The following CDC27 variants were observed in gnomAD, a reference collection of about 807,000 sequenced individuals.
CDC27 encodes cell division cycle 27.
CDC27 carries 27 observed loss-of-function variants against 109.7 expected under a neutral mutation model. The observed-to-expected ratio is 0.25, with a 90% CI of 0.18 to 0.34. CDC27 has a LOEUF of 0.34. Ranked by LOEUF, CDC27 falls within the 10% of genes least tolerant of loss-of-function variation. The pLI is 1.00. For synonymous variants in CDC27, 266 were observed against 333.9 expected (o/e 0.80, Z 2.22); for missense variants, 579 against 960.2 (o/e 0.60, Z 5.25).
At chr17:47,122,727 G>T in intron 17 of CDC27, 127 bp from the exon 18 acceptor site, 1 of 598,380 alleles carries the variant, frequency 1.7e-6, no homozygotes, top group Non-Finnish European at 2.5e-6. Flanking sequence ...AGGCTAGAGT[G>T]CAATGGCACG....
chr17:47,180,676 A>C (rs895174597), intron 2 of CDC27, among the ~76,000 whole-genome samples: 1 of 152,108 alleles, frequency 6.6e-6, no homozygotes, highest in African/African-American at 2.4e-5. Flanking sequence ...TAATAATGAC[A>C]GAAACAAAAC....
chr17:47,171,875 T>C, intron 3 of CDC27, 42 bp downstream of exon 3: 1 of 1,412,298 alleles, frequency 7.1e-7, no homozygotes, highest in Non-Finnish European at 9.8e-7. Flanking sequence ...AATTCAACAG[T>C]GTAAGTAAAA....
chr17:47,119,858 C>T lies in CDC27; in HGVS notation c.*1077G>A, dbSNP rs748538860. 1 of 152,140 alleles carries T rather than the reference C, an allele frequency of 6.6e-6. No homozygotes were observed. The highest frequency in any genetic ancestry group is 2.1e-4 in the South Asian group (1 of 4,822). 9.4% of individuals were successfully genotyped at this position (152,140 alleles called of 1,614,324 possible). On this transcript the variant is annotated 3_prime_UTR_variant, in exon 19 of 19. Coordinates refer to ENST00000066544, the MANE Select transcript of CDC27 (RefSeq NM_001256.6). ...TTACTCTTAGTAAATGTTTTGGTGA[C>T]TCACACTACTGAAAAAATCTGAAGC... is the stretch of plus-strand genomic sequence containing the variant.
intron 14 of CDC27, among the ~76,000 whole-genome samples, chr17:47,133,028 T>TATACACACACAC (rs1555783886): frequency 3.0e-4 from 9 of 29,824 alleles, no homozygotes; most frequent in African/African-American, 7.3e-4. Context: ...TATATATATA[T>TATACACACACAC]ACACACACAC....
intron 2 of CDC27, chr17:47,181,272 A>C (rs1458029653): frequency 4.6e-4 from 63 of 135,686 alleles, no homozygotes; most frequent in Non-Finnish European, 7.1e-4. Context: ...AAAAAAAAAA[A>C]AAAAAAAAAA....
At chr17:47,157,474 T>C (rs1164413936) in intron 5 of CDC27, 90 bp from the exon 6 acceptor site, 10 of 956,238 alleles carry the variant, frequency 1.0e-5, no homozygotes, top group African/African-American at 3.3e-5. Context: ...AAACAGGAAA[T>C]AGGCCTTATC....
rs779983433 is a variant in CDC27 at position 47,151,824 on chromosome 17, CTTTGTG to C, written c.1046_1051del (p.Thr349_Gln350del). 9.4e-6 allele frequency: 15 copies of C among 1,601,186 alleles called. No homozygotes were observed. The highest frequency in any genetic ancestry group is 3.3e-4 in the Middle Eastern group (2 of 6,014). ...TAAATACCTTGTTTGTGGACCAGAA[CTTTGTG>C]TTTGTGCAAGAATTGGAGTTACCTC... is the stretch of plus-strand genomic sequence containing the variant. On this transcript the variant is annotated inframe_deletion, in exon 9 of 19. Coordinates refer to ENST00000066544, the MANE Select transcript of CDC27 (RefSeq NM_001256.6).
chr17:47,177,254 TA>T (rs963829593), intron 2 of CDC27, among the ~76,000 whole-genome samples: 2 of 150,952 alleles, frequency 1.3e-5, no homozygotes, highest in Non-Finnish European at 3.0e-5. Context: ...GATCTTGACT[TA>T]AAAAAAAATG....
In CDC27 at chr17:47,167,986, A is replaced by C. The variant is rs149583496; in HGVS notation, c.377+1931T>G. ...ATAAAGGATATCACAAAGGATACAG[A>C]TGAAGAGTGCATAGGGCGAGGCATG... On this transcript the variant is annotated intron_variant, in intron 4 of 18. Coordinates refer to ENST00000066544, the MANE Select transcript of CDC27 (RefSeq NM_001256.6). Among the ~76,000 whole-genome samples the C allele has an allele frequency of 2.0e-5, 3 of 152,352 alleles. No homozygotes were observed. The East Asian group carries it at 5.8e-4, about 29-fold the overall frequency.
intron 16 of CDC27, among the ~76,000 whole-genome samples, chr17:47,126,805 T>TC (rs994710253): frequency 2.0e-5 from 3 of 152,158 alleles, no homozygotes; most frequent in African/African-American, 7.2e-5. Context: ...GAAAAAAATT[T>TC]TTTTTTGAGA....
At chr17:47,184,470 A>G (rs866861611) in intron 1 of CDC27, among the ~76,000 whole-genome samples, 37 of 152,326 alleles carry the variant, frequency 2.4e-4, no homozygotes, top group Middle Eastern at 6.8e-3. Context: ...AAAATTTCAC[A>G]CACATATACT....
chr17:47,178,802 C>T (rs1249844150), intron 2 of CDC27, among the ~76,000 whole-genome samples: 9 of 151,612 alleles, frequency 5.9e-5, no homozygotes, highest in Non-Finnish European at 8.8e-5. Context: ...ATTCTCTTTC[C>T]TTTTTCCGTT....
chr17:47,121,850 CT>C (rs1166475955), intron 18 of CDC27, among the ~76,000 whole-genome samples: 2 of 151,882 alleles, frequency 1.3e-5, no homozygotes, highest in African/African-American at 4.8e-5. Flanking sequence ...AGCAATTCTC[CT>C]GTCTCAGCCT....
chr17:47,140,306 G>T (rs2062756617), intron 12 of CDC27, among the ~76,000 whole-genome samples: 1 of 152,008 alleles, frequency 6.6e-6, no homozygotes, highest in African/African-American at 2.4e-5. Flanking sequence ...TAGAGACAGG[G>T]TCTCACCACA....
At chr17:47,146,063 C>T (rs545812411) in intron 9 of CDC27, among the ~76,000 whole-genome samples, 12 of 152,140 alleles carry the variant, frequency 7.9e-5, no homozygotes, top group Non-Finnish European at 1.6e-4. Context: ...AACACCAAAA[C>T]TTGGCTCAAA....
chr17:47,151,314 A>G (rs1304383865), intron 9 of CDC27, among the ~76,000 whole-genome samples: 1 of 152,252 alleles, frequency 6.6e-6, no homozygotes, highest in Middle Eastern at 3.2e-3. Flanking sequence ...ACATGTTCAC[A>G]GTTTTAGAAA....
At chr17:47,184,992 A>C (rs1442775770) in intron 1 of CDC27, among the ~76,000 whole-genome samples, 2 of 152,174 alleles carry the variant, frequency 1.3e-5, no homozygotes, top group Non-Finnish European at 2.9e-5. Flanking sequence ...TCCCCTAAAA[A>C]ATGTTTAAGA....
Position 47,124,202 on chromosome 17 carries a change from C to A in CDC27, c.2161-242G>T, listed in dbSNP as rs538938544. Among the ~76,000 whole-genome samples, 5 of 151,794 alleles carry A rather than the reference C, an allele frequency of 3.3e-5. No homozygotes were observed. The East Asian group carries it at 9.7e-4, about 29-fold the overall frequency. ...AAACACACACACACACACACACACA[C>A]ACACACACCCCTCTTCGTGAAATAT... On this transcript the variant is annotated intron_variant, in intron 16 of 18. Coordinates refer to ENST00000066544, the MANE Select transcript of CDC27 (RefSeq NM_001256.6).
intron 16 of CDC27, among the ~76,000 whole-genome samples, chr17:47,126,286 C>T (rs2062136915): frequency 6.6e-6 from 1 of 152,074 alleles, no homozygotes. Flanking sequence ...TTTCCTTATG[C>T]CCTTTTCATA....
Sources: allele counts gnomAD v4.1 joint callset (sites outside exome capture counted in the v4.1 genomes callset), GRCh38; gene constraint gnomAD v4.1.1; transcripts MANE v1.5; gene names NCBI Gene and HGNC (gene_info 2026-07-23, HGNC 2026-07-21).